The following SCN1A variants were observed in gnomAD, a reference collection of about 807,000 sequenced individuals.
The protein encoded by SCN1A is sodium channel protein type 1 subunit alpha.
In SCN1A, 13 loss-of-function variants were observed where a neutral mutation model predicts 193.7. The ratio of observed to expected loss-of-function variants is 0.07; its 90% CI spans 0.04 to 0.11. The LOEUF is 0.11. Ranked by LOEUF, SCN1A falls within the 10% of genes least tolerant of loss-of-function variation. The pLI is 1.00. For missense variants in SCN1A, 1,432 were observed against 2,451.1 expected (o/e 0.58, Z 8.78); for synonymous variants, 781 against 843.6 (o/e 0.93, Z 1.29).
intron 19 of SCN1A, among the ~76,000 whole-genome samples, chr2:166,026,228 CATCT>C (rs1381021276): frequency 6.6e-6 from 1 of 151,978 alleles, no homozygotes; most frequent in Non-Finnish European, 1.5e-5. Context: ...TAAATGTTGT[CATCT>C]ATTTTTTAAA....
chr2:166,137,851 T>A (rs1470478787), intron 1 of SCN1A, among the ~76,000 whole-genome samples: 1 of 152,148 alleles, frequency 6.6e-6, no homozygotes, highest in Non-Finnish European at 1.5e-5. Flanking sequence ...GTGGGAAAGT[T>A]TGGAACTCCC....
rs1689001141 is a variant in SCN1A at position 165,990,634 on chromosome 2, T to C, written c.*611A>G. ...TATGGTGAAATTTAAGAATTTGTTTTTCTTGTGACTTTTTCTCATGCATGA... is the reference window on the plus strand; with the variant it reads ...TATGGTGAAATTTAAGAATTTGTTTCTCTTGTGACTTTTTCTCATGCATGA... On this transcript the variant is annotated 3_prime_UTR_variant, in exon 29 of 29. Transcript: ENST00000674923. The C allele has an allele frequency of 2.0e-5, 3 of 152,718 alleles. No individual in the cohort carries two copies. The highest frequency in any genetic ancestry group is 7.2e-5 in the African/African-American group (3 of 41,448). 9.5% of individuals were successfully genotyped at this position (152,718 alleles called of 1,614,324 possible). A position where few individuals can be genotyped will look rare whatever the true frequency, so the allele number is the denominator to read the frequency against.
chr2:166,146,890 C>G (rs574566128), intron 1 of SCN1A, among the ~76,000 whole-genome samples: 84 of 152,254 alleles, frequency 5.5e-4, no homozygotes, highest in African/African-American at 2.0e-3. Flanking sequence ...AAACATAGTA[C>G]TGCTTACAGT....
At chr2:166,121,705 C>T (rs1186964887) in intron 2 of SCN1A, among the ~76,000 whole-genome samples, 1 of 152,012 alleles carries the variant, frequency 6.6e-6, no homozygotes, top group African/African-American at 2.4e-5. Context: ...GTTTCATCAA[C>T]AACAAAAAAA....
chr2:166,024,362 A>G (rs894043180), intron 19 of SCN1A, among the ~76,000 whole-genome samples: 1 of 152,224 alleles, frequency 6.6e-6, no homozygotes, highest in Admixed American at 6.5e-5. Context: ...TAATTTCACT[A>G]TTAGCTGTAT....
chr2:166,002,069 G>A (rs562499883), intron 24 of SCN1A, among the ~76,000 whole-genome samples: 312 of 151,546 alleles, frequency 2.1e-3, no homozygotes, highest in Non-Finnish European at 3.9e-3. Flanking sequence ...CCAATTAGGT[G>A]TATTAAGTGT....
chr2:166,026,461 C>T (rs1262797519), intron 19 of SCN1A, among the ~76,000 whole-genome samples: 2 of 151,888 alleles, frequency 1.3e-5, no homozygotes, highest in Non-Finnish European at 2.9e-5. Context: ...ACATGAAATA[C>T]GAATTCATAT....
chr2:166,066,624 G>A (rs1683867616), intron 4 of SCN1A, among the ~76,000 whole-genome samples: 1 of 152,028 alleles, frequency 6.6e-6, no homozygotes, highest in Non-Finnish European at 1.5e-5. Flanking sequence ...GAATTTTCAG[G>A]TTCAGTATCT....
intron 19 of SCN1A, among the ~76,000 whole-genome samples, chr2:166,032,238 G>GCTGACTCATGATAA (rs1695729304): frequency 2.5e-4 from 4 of 16,192 alleles, no homozygotes; most frequent in African/African-American, 3.2e-4. Flanking sequence ...CACACACAGA[G>GCTGACTCATGATAA]ACAGAGAGAG....
chr2:166,074,956 A>G (rs563296139), intron 3 of SCN1A, among the ~76,000 whole-genome samples: 2 of 152,294 alleles, frequency 1.3e-5, no homozygotes, highest in South Asian at 2.1e-4. Context: ...TACTAAGTGA[A>G]GTTTTCAGCG....
In SCN1A at chr2:166,009,450, A is replaced by G. The variant is rs1292681338; in HGVS notation, c.4002+269T>C. On this transcript the variant is annotated intron_variant, in intron 23 of 28. Transcript: ENST00000674923. The stretch of plus-strand genomic sequence containing the variant: ...TAATAATGCATCAGCTTTTTTTTGT[A>G]TATAGATTTGTAAGGAAACTCCCAA... 7.8e-5 allele frequency: 19 copies of G among 243,154 alleles called. No individual in the cohort carries two copies. The East Asian group carries it at 1.6e-3, about 20-fold the overall frequency. 15.1% of individuals were successfully genotyped at this position (243,154 alleles called of 1,614,324 possible).
chr2:166,103,455 A>T (rs1434276950), intron 2 of SCN1A, among the ~76,000 whole-genome samples: 1 of 113,546 alleles, frequency 8.8e-6, no homozygotes, highest in Non-Finnish European at 1.9e-5. Flanking sequence ...TGTCTTAAAT[A>T]AATAAATAAA....
intron 2 of SCN1A, among the ~76,000 whole-genome samples, chr2:166,119,918 A>G (rs1307060822): frequency 6.6e-6 from 1 of 152,084 alleles, no homozygotes; most frequent in East Asian, 1.9e-4. Flanking sequence ...TTTTAAGGCA[A>G]CATATGTTTA....
At chr2:166,050,635 A>G (rs1279272281) in intron 9 of SCN1A, among the ~76,000 whole-genome samples, 1 of 83,200 alleles carries the variant, frequency 1.2e-5, no homozygotes, top group South Asian at 3.4e-4. Context: ...ATATATATAT[A>G]TATGTGTGTA....
chr2:166,143,260 G>A (rs11901405), intron 1 of SCN1A, among the ~76,000 whole-genome samples: 3,367 of 144,712 alleles, frequency 0.023, 124 homozygotes, highest in African/African-American at 0.082. Context: ...TCCGCCTCCC[G>A]GGTTCAAGCC....
Position 166,002,452 on chromosome 2 carries a change from A to G in SCN1A, c.4284+20T>C. 6.2e-7 allele frequency: 1 copy of G among 1,603,242 alleles called. No homozygotes were observed. The highest frequency in any genetic ancestry group is 8.5e-7 in the Non-Finnish European group (1 of 1,171,986). ...TATTCCAAACAATAAAAATATTCAG[A>G]GAAAATAGTGTTCACTTACAACTTG... On this transcript the variant is annotated intron_variant, in intron 24 of 28. Coordinates refer to ENST00000674923, the MANE Select transcript of SCN1A (RefSeq NM_001165963.4).
intron 1 of SCN1A, among the ~76,000 whole-genome samples, chr2:166,136,683 TA>T (rs1423646940): frequency 6.6e-6 from 1 of 152,024 alleles, no homozygotes; most frequent in Non-Finnish European, 1.5e-5. Context: ...TAAAAATAAT[TA>T]TGGAGAAACT....
chr2:166,092,323 T>G (rs1686892924), intron 2 of SCN1A, among the ~76,000 whole-genome samples: 1 of 152,154 alleles, frequency 6.6e-6, no homozygotes, highest in Non-Finnish European at 1.5e-5. Context: ...GTGATCAGGA[T>G]GTAGCACTCA....
chr2:166,145,483 G>A (rs941694734), intron 1 of SCN1A, among the ~76,000 whole-genome samples: 2 of 151,924 alleles, frequency 1.3e-5, no homozygotes, highest in African/African-American at 4.8e-5. Context: ...AATTTGAATT[G>A]TAGAATAGTA....
Sources: allele counts gnomAD v4.1 joint callset (sites outside exome capture counted in the v4.1 genomes callset), GRCh38; gene constraint gnomAD v4.1.1; transcripts MANE v1.5; gene names NCBI Gene and HGNC (gene_info 2026-07-23, HGNC 2026-07-21).